EPHB2: variants seen among roughly 807,000 people sequenced by gnomAD.
EPHB2 encodes the protein EPH receptor B2.
Under a neutral mutation model 96.4 loss-of-function variants are expected in EPHB2, and 18 were observed. That is an observed-to-expected ratio of 0.19 (90% confidence interval 0.13 to 0.28). The LOEUF (loss-of-function observed/expected upper bound fraction) is 0.28. Among genes scored for constraint, EPHB2 ranks in the 10% least tolerant of loss-of-function variants. The pLI is 1.00. For missense variants in EPHB2, 989 were observed against 1,355.4 expected (o/e 0.73, Z 4.25); for synonymous variants, 506 against 534.1 (o/e 0.95, Z 0.72).
At chr1:22,893,626 G>A (rs1446168631) in intron 7 of EPHB2, among the ~76,000 whole-genome samples, 1 of 152,196 alleles carries the variant, frequency 6.6e-6, no homozygotes, top group Non-Finnish European at 1.5e-5. Context: ...GGGCTCTGAA[G>A]CCAAAGAAAT....
intron 1 of EPHB2, among the ~76,000 whole-genome samples, chr1:22,746,645 G>A (rs536647665): frequency 2.7e-4 from 41 of 152,352 alleles, no homozygotes; most frequent in African/African-American, 9.6e-4. Flanking sequence ...ACTGTGGACC[G>A]TGGACCATGG....
rs190053964 is a variant in EPHB2, at chr1:22,815,576, G to T, written c.811+30500G>T. ...GGAGGCTGGCCTGAGCCCTGCATTG[G>T]CCCCAGGCCCTTCTTGGCTCTCAAT... is the stretch of plus-strand genomic sequence containing the variant. On this transcript the variant is annotated intron_variant, in intron 3 of 15. Coordinates refer to ENST00000374630, the MANE Select transcript of EPHB2 (RefSeq NM_017449.5). Among the ~76,000 whole-genome samples the T allele has an allele frequency of 3.8e-3, 583 of 152,368 alleles. 3 individuals carry two copies. The highest frequency in any genetic ancestry group is 0.013 in the African/African-American group (555 of 41,590).
At chr1:22,770,314 C>T (rs981413551) in intron 1 of EPHB2, among the ~76,000 whole-genome samples, 2 of 152,152 alleles carry the variant, frequency 1.3e-5, no homozygotes, top group Non-Finnish European at 2.9e-5. Context: ...AATGAATAAA[C>T]AGTAAATTTC....
chr1:22,911,884 G>A (rs978080780), intron 14 of EPHB2, among the ~76,000 whole-genome samples: 1 of 152,126 alleles, frequency 6.6e-6, no homozygotes, highest in African/African-American at 2.4e-5. Flanking sequence ...ATCCCTCTGA[G>A]CTTTAAACCT....
chr1:22,808,450 C>A (rs1175904707), intron 3 of EPHB2, among the ~76,000 whole-genome samples: 1 of 152,218 alleles, frequency 6.6e-6, no homozygotes, highest in South Asian at 2.1e-4. Flanking sequence ...GGGCACAGGG[C>A]AGACATACCA....
At chr1:22,890,233 G>T (rs1385757714) in intron 6 of EPHB2, among the ~76,000 whole-genome samples, 1 of 152,148 alleles carries the variant, frequency 6.6e-6, no homozygotes, top group African/African-American at 2.4e-5. Flanking sequence ...AGTTGAGGGG[G>T]CATAGCAGAA....
At chr1:22,764,711 A>C (rs993045209) in intron 1 of EPHB2, among the ~76,000 whole-genome samples, 1 of 149,074 alleles carries the variant, frequency 6.7e-6, no homozygotes, top group Admixed American at 6.7e-5. Context: ...GCACCACCGC[A>C]CTCCAGCCTG....
At chr1:22,757,868 CA>C (rs75761217) in intron 1 of EPHB2, among the ~76,000 whole-genome samples, 132,888 of 142,120 alleles carry the variant, frequency 0.94, 62,610 homozygotes, top group East Asian at 1. Context: ...TTCCCCCCAG[CA>C]AAAAAAAATC....
chr1:22,763,977 T>C (rs1644271087), intron 1 of EPHB2, among the ~76,000 whole-genome samples: 1 of 152,174 alleles, frequency 6.6e-6, no homozygotes, highest in Non-Finnish European at 1.5e-5. Flanking sequence ...CACCCCCTCT[T>C]ACGAGGACAC....
rs368075671 is a variant in EPHB2 at position 22,784,507 on chromosome 1, G to T, written c.242G>T (p.Arg81Leu). Residue 81 changes from arginine to leucine, a missense_variant, in exon 3 of 16, where the codon CGT becomes CTT. Physicochemically the swap from Arg to Leu is moderately radical, Grantham distance 102. Coordinates refer to ENST00000374630, the MANE Select transcript of EPHB2 (RefSeq NM_017449.5). The surrounding 1 kb of genome is among the most constrained non-coding windows in gnomAD (Gnocchi z 5.1). ...CTACGGACCAAGTTTATCCGGCGCC[G>T]TGGCGCCCACCGCATCCACGTGGAG... ...NWLRTKFIRR[R>L]GAHRIHVEMK... 2 of 1,613,526 alleles carry T rather than the reference G, an allele frequency of 1.2e-6. No individual in the cohort carries two copies. The highest frequency in any genetic ancestry group is 1.7e-5 in the Admixed American group (1 of 59,988).
At chr1:22,721,746 G>T (rs1326425444) in intron 1 of EPHB2, among the ~76,000 whole-genome samples, 1 of 151,726 alleles carries the variant, frequency 6.6e-6, no homozygotes, top group African/African-American at 2.4e-5. Context: ...CTCCCAAGTA[G>T]CTGGATCCAT....
At chr1:22,766,037 G>A (rs147029571) in intron 1 of EPHB2, among the ~76,000 whole-genome samples, 30 of 152,292 alleles carry the variant, frequency 2.0e-4, no homozygotes, top group African/African-American at 5.5e-4. Context: ...CCGCCTCCCC[G>A]GAGAGCTCAG....
intron 3 of EPHB2, among the ~76,000 whole-genome samples, chr1:22,819,837 G>C (rs1421153291): frequency 6.7e-6 from 1 of 149,672 alleles, no homozygotes; most frequent in East Asian, 2.0e-4. Context: ...TTTTAATGGA[G>C]CTTTGGTTTT....
At chr1:22,711,624 G>T (rs1278238308) in intron 1 of EPHB2, among the ~76,000 whole-genome samples, 1 of 151,964 alleles carries the variant, frequency 6.6e-6, no homozygotes, top group Non-Finnish European at 1.5e-5. Flanking sequence ...CGCCCGCGGC[G>T]TACAATGGGG....
chr1:22,909,887 G>A (rs1321030551), intron 13 of EPHB2, among the ~76,000 whole-genome samples: 1 of 152,202 alleles, frequency 6.6e-6, no homozygotes, highest in Non-Finnish European at 1.5e-5. Context: ...AGAAGCAGGT[G>A]GAGATGGTGG....
chr1:22,832,432 T>C (rs545983709), intron 3 of EPHB2, among the ~76,000 whole-genome samples: 2 of 152,332 alleles, frequency 1.3e-5, no homozygotes, highest in East Asian at 3.9e-4. Flanking sequence ...ATCCTTTTTC[T>C]CCTTGGAGCC....
In EPHB2 at chr1:22,846,594, T is replaced by C. The variant is rs1645547019; in HGVS notation, c.812-16443T>C. ...TGCTGGGTAGGCGGCTTGTTGCCTCTCCAGCCTCGTGTCCTGCATCTCTGC... is the reference window on the plus strand; with the variant it reads ...TGCTGGGTAGGCGGCTTGTTGCCTCCCCAGCCTCGTGTCCTGCATCTCTGC... On this transcript the variant is annotated intron_variant, in intron 3 of 15. Transcript: ENST00000374630. This position sits in a 1 kb window ranked among gnomAD's most constrained non-coding sequence, Gnocchi z 4.3. Among the ~76,000 whole-genome samples the C allele has an allele frequency of 6.6e-6, 1 of 152,162 alleles. No homozygotes were observed. Among genetic ancestry groups the C allele is most frequent in the Admixed American group, 6.5e-5 (1 of 15,282 alleles).
At position 22,909,170 on chromosome 1, in the gene EPHB2, A is replaced by T; in HGVS notation, c.2501A>T (p.Asp834Val). 6.2e-7 allele frequency: 1 copy of T among 1,614,184 alleles called. No individual in the cohort carries two copies. Among genetic ancestry groups the T allele is most frequent in the Non-Finnish European group, 8.5e-7 (1 of 1,180,030 alleles). ...CCCTACTGGGACATGACCAACCAGG[A>T]TGTAAGTCTCCAAGGGGATAGGCAA... The part of the protein sequence containing the change: ...ERPYWDMTNQ[D>V]VINAIEQDYR... The change falls in exon 13 of 16, where the codon GAT becomes GTT. Residue 834 changes from aspartate to valine, a missense_variant and splice_region_variant. Physicochemically the swap from Asp to Val is radical, Grantham distance 152. Transcript: ENST00000374630.
intron 1 of EPHB2, among the ~76,000 whole-genome samples, chr1:22,765,681 C>T (rs1052147615): frequency 5.9e-5 from 9 of 152,130 alleles, no homozygotes; most frequent in South Asian, 2.1e-4. Flanking sequence ...TTAGGCCCCA[C>T]ACATTGCTAC....
Sources: gnomAD v4.1 joint callset for allele counts (sites outside exome capture counted in the v4.1 genomes callset) on GRCh38, gnomAD v4.1.1 for gene constraint, Gnocchi (gnomAD v3.1) non-coding constraint, MANE v1.5 for transcripts, NCBI Gene and HGNC (gene_info 2026-07-23, HGNC 2026-07-21) for gene names.